The following SPATA6 variants were observed in gnomAD, a reference collection of about 807,000 sequenced individuals.
SPATA6 encodes the protein spermatogenesis-associated protein 6.
A neutral mutation model predicts 65.3 loss-of-function variants in SPATA6; 56 were observed. The observed-to-expected ratio is 0.86, with a 90% CI of 0.69 to 1.07. SPATA6 has a LOEUF of 1.07. SPATA6 is among the 50% of genes least tolerant of loss of function. The probability of loss-of-function intolerance (pLI) is 0.00; values close to 1 mark genes in which losing one functional copy is unlikely to be tolerated. For synonymous variants in SPATA6, 199 were observed against 213.2 expected (o/e 0.93, Z 0.58); for missense variants, 590 against 594.8 (o/e 0.99, Z 0.08).
chr1:48,305,925 C>G, intron 11 of SPATA6, 47 bp from the exon 12 acceptor site: 1 of 1,364,960 alleles, frequency 7.3e-7, no homozygotes. Flanking sequence ...TCATTGTCCC[C>G]AAAATGATGC....
intron 9 of SPATA6, among the ~76,000 whole-genome samples, chr1:48,379,615 T>C (rs1648316732): frequency 6.6e-6 from 1 of 152,114 alleles, no homozygotes; most frequent in South Asian, 2.1e-4. Flanking sequence ...TAAGACAGAT[T>C]TGTCTTAGCA....
chr1:48,413,840 T>A (rs762996551), intron 3 of SPATA6, among the ~76,000 whole-genome samples: 7 of 152,196 alleles, frequency 4.6e-5, no homozygotes, highest in Non-Finnish European at 8.8e-5. Flanking sequence ...TATTACATAC[T>A]GTATTCTTAC....
At chr1:48,442,741 A>C (rs898087506) in intron 3 of SPATA6, among the ~76,000 whole-genome samples, 3 of 150,628 alleles carry the variant, frequency 2.0e-5, no homozygotes, top group Admixed American at 1.3e-4. Context: ...AAAAAAAAAA[A>C]AAAACAGTGT....
At chr1:48,365,774 A>T (rs1570318090) in intron 9 of SPATA6, among the ~76,000 whole-genome samples, 1 of 152,240 alleles carries the variant, frequency 6.6e-6, no homozygotes, top group South Asian at 2.1e-4. Flanking sequence ...CCCTAACTGA[A>T]TACCCTTTAT....
chr1:48,280,714 C>A, the SPATA6 span, among the ~76,000 whole-genome samples: 1 of 152,134 alleles, frequency 6.6e-6, no homozygotes, highest in Non-Finnish European at 1.5e-5. Context: ...CAAAGAGAGT[C>A]CAGGACCAGA....
chr1:48,262,130 C>T, the SPATA6 span: 3 of 152,078 alleles, frequency 2.0e-5, no homozygotes, highest in Non-Finnish European at 4.4e-5. Flanking sequence ...CAACAAGAAA[C>T]ATCTTGAAAT....
At chr1:48,452,635 C>T (rs956751245) in intron 2 of SPATA6, among the ~76,000 whole-genome samples, 10 of 152,132 alleles carry the variant, frequency 6.6e-5, no homozygotes, top group South Asian at 4.1e-4. Context: ...CCACCCGCCT[C>T]GGCCTCCCAA....
intron 11 of SPATA6, among the ~76,000 whole-genome samples, chr1:48,340,957 A>C (rs745793884): frequency 1.3e-5 from 2 of 152,192 alleles, no homozygotes; most frequent in Non-Finnish European, 2.9e-5. Flanking sequence ...CAAGAACAAA[A>C]CACTTTCTAA....
chr1:48,305,433 G>C (rs576341827), intron 12 of SPATA6, among the ~76,000 whole-genome samples: 4 of 152,128 alleles, frequency 2.6e-5, no homozygotes, highest in Non-Finnish European at 5.9e-5. Context: ...AATTATAGGC[G>C]AGAATAGAAT....
At chr1:48,435,760 G>C (rs1304495502) in intron 3 of SPATA6, among the ~76,000 whole-genome samples, 1 of 152,056 alleles carries the variant, frequency 6.6e-6, no homozygotes, top group Non-Finnish European at 1.5e-5. Context: ...CCCCGCACCG[G>C]GAGCGGGCCT....
chr1:48,378,953 A>G (rs1648236972), intron 9 of SPATA6, among the ~76,000 whole-genome samples: 1 of 152,236 alleles, frequency 6.6e-6, no homozygotes, highest in Non-Finnish European at 1.5e-5. Flanking sequence ...ATACAACAAC[A>G]TAAACCTGGA....
At chr1:48,412,772 C>T (rs1271223333) in intron 4 of SPATA6, among the ~76,000 whole-genome samples, 1 of 152,098 alleles carries the variant, frequency 6.6e-6, no homozygotes, top group Non-Finnish European at 1.5e-5. Context: ...ATGCCCACCA[C>T]CACACCTGGA....
At chr1:48,395,475 GC>G in intron 7 of SPATA6, 121 bp from the exon 8 acceptor site, 1 of 484,094 alleles carries the variant, frequency 2.1e-6, no homozygotes, top group Non-Finnish European at 3.3e-6. Context: ...ACATGATGGT[GC>G]CCATGAGAGT....
At chr1:48,318,411 A>G (rs965414448) in intron 11 of SPATA6, among the ~76,000 whole-genome samples, 2 of 152,202 alleles carry the variant, frequency 1.3e-5, no homozygotes. Context: ...ATTAGAGCTA[A>G]TAAGTTCAGC....
At chr1:48,274,299 C>T in the SPATA6 span, among the ~76,000 whole-genome samples, 1 of 152,118 alleles carries the variant, frequency 6.6e-6, no homozygotes, top group Non-Finnish European at 1.5e-5. Context: ...GTTGCCTGTT[C>T]ACTCTGATGA....
At chr1:48,265,739 T>A in the SPATA6 span, among the ~76,000 whole-genome samples, 1 of 152,136 alleles carries the variant, frequency 6.6e-6, no homozygotes, top group African/African-American at 2.4e-5. Context: ...TGCTTCAGGA[T>A]CTCCAGAGGC....
chr1:48,353,363 T>C (rs1019486737), intron 11 of SPATA6, among the ~76,000 whole-genome samples: 3 of 151,362 alleles, frequency 2.0e-5, no homozygotes, highest in Admixed American at 2.0e-4. Context: ...GGAAAATAAA[T>C]TGTTAAAAAT....
chr1:48,387,994 C>T (rs1372960576), intron 8 of SPATA6, among the ~76,000 whole-genome samples: 1 of 152,174 alleles, frequency 6.6e-6, no homozygotes, highest in East Asian at 1.9e-4. Context: ...TGGCTACTAC[C>T]AGCATCTGAG....
chr1:48,415,215 C>A (rs1652643384), intron 3 of SPATA6, among the ~76,000 whole-genome samples: 1 of 152,160 alleles, frequency 6.6e-6, no homozygotes, highest in South Asian at 2.1e-4. Context: ...GTATCAATAA[C>A]AAGGGTGATG....
Sources: gnomAD v4.1 joint callset for allele counts (sites outside exome capture counted in the v4.1 genomes callset) on GRCh38, gnomAD v4.1.1 for gene constraint, MANE v1.5 for transcripts, NCBI Gene and HGNC (gene_info 2026-07-23, HGNC 2026-07-21) for gene names.